The following CUL1 variants were observed in gnomAD, a reference collection of about 807,000 sequenced individuals.
CUL1 encodes the protein cullin-1.
Under a neutral mutation model 118.0 loss-of-function variants are expected in CUL1, and 24 were observed. The ratio of observed to expected loss-of-function variants is 0.20; its 90% CI spans 0.15 to 0.29. The LOEUF (loss-of-function observed/expected upper bound fraction) is 0.29. Ranked by LOEUF, CUL1 falls within the 10% of genes least tolerant of loss-of-function variation. The pLI is 1.00. For missense variants in CUL1, 361 were observed against 933.8 expected (o/e 0.39, Z 7.99); for synonymous variants, 332 against 340.4 (o/e 0.98, Z 0.27).
At chr7:148,775,338 A>T (rs1019086720) in intron 9 of CUL1, among the ~76,000 whole-genome samples, 1 of 152,308 alleles carries the variant, frequency 6.6e-6, no homozygotes, top group African/African-American at 2.4e-5. Flanking sequence ...TGTTCAAAGG[A>T]GATAGGATAC....
At chr7:148,747,864 A>T (rs780951856) in intron 2 of CUL1, among the ~76,000 whole-genome samples, 1 of 152,246 alleles carries the variant, frequency 6.6e-6, no homozygotes, top group Non-Finnish European at 1.5e-5. Flanking sequence ...AACAAAGATA[A>T]AGTGATAGAA....
chr7:148,731,737 A>T (rs971635424), intron 2 of CUL1, among the ~76,000 whole-genome samples: 1 of 152,082 alleles, frequency 6.6e-6, no homozygotes, highest in African/African-American at 2.4e-5. Flanking sequence ...CTTTGTCTCT[A>T]TGAATTTGCC....
intron 7 of CUL1, among the ~76,000 whole-genome samples, chr7:148,761,016 G>A (rs1799809876): frequency 6.6e-6 from 1 of 152,156 alleles, no homozygotes; most frequent in South Asian, 2.1e-4. Flanking sequence ...ACCACACTCA[G>A]CTAATTGTTT....
intron 11 of CUL1, 95 bp from the exon 12 acceptor site, chr7:148,786,456 T>C: frequency 1.0e-6 from 1 of 958,910 alleles, no homozygotes; most frequent in South Asian, 1.4e-5. Context: ...TGATGAGAAC[T>C]GATCTTTTGA....
At chr7:148,759,753 AT>A (rs572836363) in intron 6 of CUL1, 115 bp downstream of exon 6, 10 of 503,118 alleles carry the variant, frequency 2.0e-5, no homozygotes, top group Non-Finnish European at 3.1e-5. Context: ...TATTGTTAGC[AT>A]TTACGAAGGT....
At chr7:148,729,589 C>T (rs1336353180) in intron 1 of CUL1, among the ~76,000 whole-genome samples, 1 of 152,142 alleles carries the variant, frequency 6.6e-6, no homozygotes, top group Non-Finnish European at 1.5e-5. Context: ...TATTTATTAG[C>T]TGTTTGTGTT....
At chr7:148,740,860 A>G (rs1799118567) in intron 2 of CUL1, among the ~76,000 whole-genome samples, 1 of 152,252 alleles carries the variant, frequency 6.6e-6, no homozygotes. Flanking sequence ...GCCGTCTGCA[A>G]CCCTGGAAGA....
chr7:148,756,927 T>C, intron 3 of CUL1, 56 bp from the exon 4 acceptor site: 1 of 1,273,272 alleles, frequency 7.9e-7, no homozygotes, highest in Non-Finnish European at 1.1e-6. Flanking sequence ...ACCGTTATTT[T>C]TAATTTATAA....
intron 9 of CUL1, among the ~76,000 whole-genome samples, chr7:148,779,777 C>A (rs955476114): frequency 6.6e-6 from 1 of 152,108 alleles, no homozygotes; most frequent in Non-Finnish European, 1.5e-5. Context: ...TTGAAGGATG[C>A]AAAGTATTGA....
At chr7:148,756,814 T>C (rs1278628228) in intron 3 of CUL1, among the ~76,000 whole-genome samples, 169 bp from the exon 4 acceptor site, 1 of 152,240 alleles carries the variant, frequency 6.6e-6, no homozygotes, top group Non-Finnish European at 1.5e-5. Context: ...TACTATATTC[T>C]TGTGAGTTTA....
At chr7:148,701,907 G>A (rs75012726) in intron 1 of CUL1, among the ~76,000 whole-genome samples, 2,312 of 152,252 alleles carry the variant, frequency 0.015, 34 homozygotes, top group Non-Finnish European at 0.023. Flanking sequence ...GAGTCATTCT[G>A]GAATAAAATG....
intron 1 of CUL1, among the ~76,000 whole-genome samples, chr7:148,715,071 C>G (rs957098337): frequency 1.1e-4 from 17 of 152,064 alleles, no homozygotes; most frequent in African/African-American, 4.1e-4. Context: ...TTTGTCATGT[C>G]TGTTCATTTG....
At chr7:148,708,791 T>C (rs931902947) in intron 1 of CUL1, among the ~76,000 whole-genome samples, 3 of 152,262 alleles carry the variant, frequency 2.0e-5, no homozygotes, top group Non-Finnish European at 4.4e-5. Context: ...CTCTTCAAAC[T>C]GGGAATGTGA....
intron 7 of CUL1, among the ~76,000 whole-genome samples, chr7:148,761,049 C>T (rs73158226): frequency 0.047 from 7,228 of 152,170 alleles, 260 homozygotes; most frequent in Middle Eastern, 0.078. Context: ...GATAGGGTCT[C>T]GCTATTTTTG....
In CUL1 at chr7:148,769,099, C is replaced by T. The variant is rs574773817; in HGVS notation, c.1083+1350C>T. Among the ~76,000 whole-genome samples the T allele has an allele frequency of 2.6e-5, 4 of 152,234 alleles. No homozygotes were observed. The East Asian group carries it at 5.8e-4, about 22-fold the overall frequency. Reference sequence around the variant, plus strand: ...AGAGCCTGGCCAGGCTGCCTGCACTCGGATCTCAGCTCCACCATTGACAGC... The same window carrying T: ...AGAGCCTGGCCAGGCTGCCTGCACTTGGATCTCAGCTCCACCATTGACAGC... On this transcript the variant is annotated intron_variant, in intron 9 of 21. Transcript: ENST00000325222.
intron 16 of CUL1, 48 bp from the exon 17 acceptor site, chr7:148,792,678 A>AT: frequency 7.3e-7 from 1 of 1,371,020 alleles, no homozygotes; most frequent in Non-Finnish European, 1.0e-6. Context: ...AGGTGTTTCC[A>AT]TGCATGTAAA....
At chr7:148,738,842 C>T (rs1407314865) in intron 2 of CUL1, among the ~76,000 whole-genome samples, 1 of 152,060 alleles carries the variant, frequency 6.6e-6, no homozygotes, top group African/African-American at 2.4e-5. Context: ...TTAGATGTGA[C>T]CATTTTTCTC....
intron 9 of CUL1, among the ~76,000 whole-genome samples, chr7:148,771,290 C>T (rs1215604925): frequency 6.6e-6 from 1 of 152,294 alleles, no homozygotes; most frequent in African/African-American, 2.4e-5. Flanking sequence ...GACTGAAATT[C>T]GTAGAGGTTT....
chr7:148,716,334 G>A (rs778242623), intron 1 of CUL1, among the ~76,000 whole-genome samples: 33 of 152,178 alleles, frequency 2.2e-4, no homozygotes, highest in Non-Finnish European at 3.8e-4. Context: ...ATACTGGCAT[G>A]TCTAGCATGG....
Sources: gnomAD v4.1 joint callset for allele counts (sites outside exome capture counted in the v4.1 genomes callset) on GRCh38, gnomAD v4.1.1 for gene constraint, MANE v1.5 for transcripts, NCBI Gene and HGNC (gene_info 2026-07-23, HGNC 2026-07-21) for gene names.